Variants in ADAMTSL1 observed in about 807,000 individuals in gnomAD.
ADAMTSL1 encodes the protein ADAMTS like 1, also known as ADAMTS-like protein 1.
ADAMTSL1 carries 126 observed loss-of-function variants against 201.8 expected under a neutral mutation model. The observed-to-expected ratio is 0.62, with a 90% CI of 0.54 to 0.72. The LOEUF (loss-of-function observed/expected upper bound fraction) is 0.72. Among genes scored for constraint, ADAMTSL1 ranks in the 30% least tolerant of loss-of-function variants. The pLI is 0.00. For missense variants in ADAMTSL1, 2,679 were observed against 2,277.8 expected (o/e 1.18, Z -3.59); for synonymous variants, 1,121 against 903.4 (o/e 1.24, Z -4.32).
intron 2 of ADAMTSL1, among the ~76,000 whole-genome samples, chr9:18,289,880 A>C (rs372623325): frequency 2.0e-5 from 3 of 152,360 alleles, no homozygotes; most frequent in East Asian, 3.9e-4. Flanking sequence ...AAAGGAAAAC[A>C]ACATGAAAAC....
intron 7 of ADAMTSL1, among the ~76,000 whole-genome samples, chr9:18,648,637 T>A (rs1827981050): frequency 6.6e-6 from 1 of 151,908 alleles, no homozygotes; most frequent in Admixed American, 6.6e-5. Context: ...TATTTCTCCT[T>A]CACTGATGAA....
At chr9:18,345,682 C>T (rs547105739) in intron 2 of ADAMTSL1, among the ~76,000 whole-genome samples, 7 of 152,120 alleles carry the variant, frequency 4.6e-5, no homozygotes, top group East Asian at 3.9e-4. Context: ...AACACTGCAG[C>T]GGCAAGCACC....
rs1275024458 is a variant in ADAMTSL1, at chr9:18,526,825, CT to C, written c.192-6420del. Reference sequence around the variant, plus strand: ...TGTGTTCCAGTACTACTTAAAATCCCTTGGTGGGGTTGCAAATCCGCTTATC... The same window carrying C: ...TGTGTTCCAGTACTACTTAAAATCCCTGGTGGGGTTGCAAATCCGCTTATC... On this transcript the variant is annotated intron_variant, in intron 2 of 28. Coordinates refer to ENST00000380548, the MANE Select transcript of ADAMTSL1 (RefSeq NM_001040272.6). Among the ~76,000 whole-genome samples, 3 of 152,106 alleles carry C rather than the reference CT, an allele frequency of 2.0e-5. No individual in the cohort carries two copies. In the East Asian group the frequency reaches 5.8e-4, roughly 29 times the overall value.
At chr9:18,116,930 A>G (rs539140190) in intron 1 of ADAMTSL1, among the ~76,000 whole-genome samples, 1 of 152,278 alleles carries the variant, frequency 6.6e-6, no homozygotes, top group African/African-American at 2.4e-5. Context: ...TACAATGACT[A>G]TCTTTCTACC....
chr9:17,912,943 A>G (rs1825945885), intron 1 of ADAMTSL1, among the ~76,000 whole-genome samples: 1 of 152,164 alleles, frequency 6.6e-6, no homozygotes, highest in Admixed American at 6.5e-5. Flanking sequence ...TAAGTAGGGA[A>G]TCCTTTCCCC....
At chr9:18,126,849 A>G (rs1483184386) in intron 1 of ADAMTSL1, among the ~76,000 whole-genome samples, 1 of 152,214 alleles carries the variant, frequency 6.6e-6, no homozygotes, top group African/African-American at 2.4e-5. Flanking sequence ...CAGTATGTTG[A>G]AAACCCAGAT....
chr9:18,754,067 C>A (rs1429778203), intron 16 of ADAMTSL1, among the ~76,000 whole-genome samples: 1 of 152,180 alleles, frequency 6.6e-6, no homozygotes, highest in African/African-American at 2.4e-5. Context: ...CAAGCTAAAT[C>A]TAGCCTGTAG....
chr9:18,285,327 A>G (rs1832951759), intron 2 of ADAMTSL1, among the ~76,000 whole-genome samples: 1 of 152,140 alleles, frequency 6.6e-6, no homozygotes, highest in Admixed American at 6.5e-5. Flanking sequence ...TTTAATTCTT[A>G]TATGACCCTC....
chr9:18,643,645 C>T lies in ADAMTSL1; in HGVS notation c.834+4234C>T, dbSNP rs561325314. Among the ~76,000 whole-genome samples, 44 of 152,054 alleles carry T rather than the reference C, an allele frequency of 2.9e-4. No homozygotes were observed. In the South Asian group the frequency reaches 7.9e-3, roughly 27 times the overall value. On this transcript the variant is annotated intron_variant, in intron 7 of 28. Transcript: ENST00000380548. ...CCACATATGGAAGTTTTTCCAAACA[C>T]TACTGTCCTTTTCGCAGCAACTTTG... is the stretch of plus-strand genomic sequence containing the variant.
chr9:18,672,142 T>C (rs993722297), intron 9 of ADAMTSL1, among the ~76,000 whole-genome samples: 8 of 151,628 alleles, frequency 5.3e-5, no homozygotes, highest in African/African-American at 1.9e-4. Context: ...TGTATCTCAA[T>C]AGTTATATTC....
intron 26 of ADAMTSL1, among the ~76,000 whole-genome samples, chr9:18,900,857 G>C (rs1210520464): frequency 6.6e-6 from 1 of 152,056 alleles, no homozygotes; most frequent in Non-Finnish European, 1.5e-5. Context: ...CTGATGGGAT[G>C]GTCTGTGCAG....
chr9:18,342,701 A>G (rs1234095216), intron 2 of ADAMTSL1, among the ~76,000 whole-genome samples: 1 of 152,130 alleles, frequency 6.6e-6, no homozygotes, highest in Non-Finnish European at 1.5e-5. Context: ...GTGGTTGTGC[A>G]TATTTAGAAA....
chr9:18,497,970 T>C (rs1822616594), intron 1 of ADAMTSL1, among the ~76,000 whole-genome samples: 1 of 152,252 alleles, frequency 6.6e-6, no homozygotes, highest in Non-Finnish European at 1.5e-5. Flanking sequence ...GAAGCTGTTT[T>C]AATTTCATCT....
At chr9:18,829,152 A>G (rs774553681) in intron 22 of ADAMTSL1, among the ~76,000 whole-genome samples, 7 of 152,148 alleles carry the variant, frequency 4.6e-5, no homozygotes, top group Non-Finnish European at 1.0e-4. Context: ...ATAAGCCACT[A>G]TATATTTCCC....
intron 1 of ADAMTSL1, among the ~76,000 whole-genome samples, chr9:17,989,128 A>G (rs1819045069): frequency 6.6e-6 from 1 of 151,968 alleles, no homozygotes; most frequent in Non-Finnish European, 1.5e-5. Context: ...TATTTAAAAA[A>G]CAAATTATGT....
At chr9:18,291,622 C>G (rs891931829) in intron 2 of ADAMTSL1, among the ~76,000 whole-genome samples, 2 of 151,936 alleles carry the variant, frequency 1.3e-5, no homozygotes, top group Non-Finnish European at 2.9e-5. Context: ...CTACTGGATT[C>G]TTGCCCACCA....
In ADAMTSL1 at chr9:18,777,381, A is replaced by G. The variant is rs1319422383; in HGVS notation, c.3152A>G (p.Asn1051Ser). 1.0e-5 allele frequency: 16 copies of G among 1,603,276 alleles called. No individual in the cohort carries two copies. Among genetic ancestry groups the G allele is most frequent in the Non-Finnish European group, 1.4e-5 (16 of 1,175,450 alleles). ...GAGGCGCAGGACTCTGCGGAAAGGA[A>G]CACGACCTCGGAGGAGGACCCGGGT... is the stretch of plus-strand genomic sequence containing the variant. ...SWEAQDSAER[N>S]TTSEEDPGAE... is the part of the protein sequence containing the mutation. The change falls in exon 19 of 29, where the codon AAC (asparagine) becomes AGC (serine). Residue 1051 changes from asparagine to serine, a missense_variant. Coordinates refer to ENST00000380548, the MANE Select transcript of ADAMTSL1 (RefSeq NM_001040272.6).
At chr9:17,909,305 T>C (rs1177852179) in intron 1 of ADAMTSL1, among the ~76,000 whole-genome samples, 3 of 147,122 alleles carry the variant, frequency 2.0e-5, no homozygotes, top group African/African-American at 7.3e-5. Flanking sequence ...TCTTTTGCTG[T>C]GCAGAAGCTC....
At chr9:18,421,927 G>A (rs1227389704) in intron 2 of ADAMTSL1, among the ~76,000 whole-genome samples, 1 of 152,116 alleles carries the variant, frequency 6.6e-6, no homozygotes, top group Non-Finnish European at 1.5e-5. Flanking sequence ...TTTGCAGGAT[G>A]TTTCTTTCAT....
Sources: gnomAD v4.1 joint callset for allele counts (sites outside exome capture counted in the v4.1 genomes callset) on GRCh38, gnomAD v4.1.1 for gene constraint, MANE v1.5 for transcripts, NCBI Gene and HGNC (gene_info 2026-07-23, HGNC 2026-07-21) for gene names.